DCC: variants seen among roughly 807,000 people sequenced by gnomAD.
DCC encodes the protein DCC netrin 1 receptor.
A neutral mutation model predicts 172.5 loss-of-function variants in DCC; 58 were observed. That is an observed-to-expected ratio of 0.34 (90% CI 0.27 to 0.42). The LOEUF (loss-of-function observed/expected upper bound fraction) is 0.42, where lower values mean the gene tolerates loss of function less well. Ranked by LOEUF, DCC falls within the 10% of genes least tolerant of loss-of-function variation. The probability of loss-of-function intolerance (pLI) is 1.00; values close to 1 mark genes in which losing one functional copy is unlikely to be tolerated. For missense variants in DCC, 1,740 were observed against 1,791.0 expected, an observed-to-expected ratio of 0.97 and a Z score of 0.51; for synonymous variants, 709 against 644.5, an observed-to-expected ratio of 1.10 and a Z score of -1.52.
chr18:53,289,749 T>C (rs1194154734), intron 12 of DCC, among the ~76,000 whole-genome samples: 1 of 152,194 alleles, frequency 6.6e-6, no homozygotes, highest in African/African-American at 2.4e-5. Flanking sequence ...GATCTCTTGA[T>C]TGTGCATCTG....
chr18:52,815,466 T>C (rs962138209), intron 2 of DCC, among the ~76,000 whole-genome samples: 1 of 142,754 alleles, frequency 7.0e-6, no homozygotes, highest in Non-Finnish European at 1.5e-5. Flanking sequence ...ACCACCCCCC[T>C]GCCCCCCTGT....
chr18:53,388,916 C>T (rs1372513239), intron 16 of DCC, among the ~76,000 whole-genome samples: 1 of 152,120 alleles, frequency 6.6e-6, no homozygotes. Flanking sequence ...TCCTGGGTAG[C>T]TGGGACTGCA....
intron 1 of DCC, among the ~76,000 whole-genome samples, chr18:52,358,212 A>G (rs937942907): frequency 1.3e-5 from 2 of 152,194 alleles, no homozygotes; most frequent in Admixed American, 6.5e-5. Flanking sequence ...GTGAAACAGC[A>G]CTTTTAACAA....
chr18:53,378,923 A>C (rs1292649534), intron 15 of DCC, among the ~76,000 whole-genome samples: 3 of 152,230 alleles, frequency 2.0e-5, no homozygotes, highest in Non-Finnish European at 4.4e-5. Flanking sequence ...CCATTAGATT[A>C]GCTATTAATT....
intron 7 of DCC, among the ~76,000 whole-genome samples, chr18:53,121,501 T>A (rs2043483262): frequency 6.6e-6 from 1 of 151,910 alleles, no homozygotes; most frequent in African/African-American, 2.4e-5. Context: ...TTACGTAAAC[T>A]TCCAATCATA....
chr18:52,902,137 T>C (rs111485451), intron 2 of DCC, among the ~76,000 whole-genome samples: 1,769 of 152,310 alleles, frequency 0.012, 16 homozygotes, highest in Middle Eastern at 0.02. Flanking sequence ...ACAAGTTCAA[T>C]AGATCTGAGA....
At chr18:52,672,205 G>T (rs2035566835) in intron 1 of DCC, among the ~76,000 whole-genome samples, 1 of 152,176 alleles carries the variant, frequency 6.6e-6, no homozygotes, top group Non-Finnish European at 1.5e-5. Context: ...TCTGTGATTT[G>T]TTAGAATTGA....
chr18:52,421,578 G>A (rs1166027305), intron 1 of DCC, among the ~76,000 whole-genome samples: 2 of 152,128 alleles, frequency 1.3e-5, no homozygotes, highest in African/African-American at 4.8e-5. Flanking sequence ...AGCACAAAAC[G>A]CCACATCTGC....
chr18:53,121,316 G>A (rs1287482800), intron 7 of DCC, among the ~76,000 whole-genome samples: 1 of 151,900 alleles, frequency 6.6e-6, no homozygotes, highest in Non-Finnish European at 1.5e-5. Context: ...TCTGTAAACT[G>A]TGAAATACTG....
At chr18:53,385,238 T>C (rs958849227) in intron 15 of DCC, among the ~76,000 whole-genome samples, 4 of 152,108 alleles carry the variant, frequency 2.6e-5, no homozygotes, top group Admixed American at 2.0e-4. Flanking sequence ...CTGGAGCAGG[T>C]CTTGTTCTTG....
chr18:53,151,461 T>C (rs969432877), intron 7 of DCC, among the ~76,000 whole-genome samples: 1 of 152,190 alleles, frequency 6.6e-6, no homozygotes, highest in Admixed American at 6.5e-5. Context: ...AGTAGGAACA[T>C]GATAGATATT....
intron 12 of DCC, among the ~76,000 whole-genome samples, chr18:53,250,378 C>G (rs965677018): frequency 1.7e-5 from 2 of 117,588 alleles, no homozygotes; most frequent in African/African-American, 6.3e-5. Flanking sequence ...TGACTGCACC[C>G]TGAATTGTGC....
At chr18:53,015,622 C>G (rs7240423) in intron 5 of DCC, among the ~76,000 whole-genome samples, 1 of 151,916 alleles carries the variant, frequency 6.6e-6, no homozygotes, top group African/African-American at 2.4e-5. Flanking sequence ...TATATCCTTA[C>G]GTACAAACAT....
chr18:53,130,854 G>GT (rs1488357671), intron 7 of DCC, among the ~76,000 whole-genome samples: 1 of 151,782 alleles, frequency 6.6e-6, no homozygotes, highest in African/African-American at 2.4e-5. Flanking sequence ...GAAATGTATT[G>GT]TTTTTTTCTC....
chr18:53,515,687 C>T (rs1048857060), intron 27 of DCC, among the ~76,000 whole-genome samples: 4 of 150,072 alleles, frequency 2.7e-5, no homozygotes, highest in Non-Finnish European at 3.0e-5. Flanking sequence ...CATGAGTGAA[C>T]TCCCATTCAC....
At chr18:52,580,211 G>A (rs899019599) in intron 1 of DCC, among the ~76,000 whole-genome samples, 3 of 152,152 alleles carry the variant, frequency 2.0e-5, no homozygotes, top group Non-Finnish European at 4.4e-5. Context: ...ATTCAAGGAT[G>A]ACCTTAAGGC....
At chr18:52,377,055 T>A (rs1304240347) in intron 1 of DCC, among the ~76,000 whole-genome samples, 5 of 152,182 alleles carry the variant, frequency 3.3e-5, no homozygotes, top group African/African-American at 1.2e-4. Flanking sequence ...CATAAAACCC[T>A]TTTGAGAAAA....
rs544700145 is a variant in DCC at position 52,641,303 on chromosome 18, G to C, written c.92-110751G>C. 9.9e-5 allele frequency among the ~76,000 whole-genome samples: 15 copies of C among 152,216 alleles called. No individual in the cohort carries two copies. In the South Asian group the frequency reaches 3.1e-3, roughly 32 times the overall value. ...AAAACCCCTTCTAGACATTAGCTTAGGCAAGGATTTCATAACCAAGAACCC... is the reference window on the plus strand; with the variant it reads ...AAAACCCCTTCTAGACATTAGCTTACGCAAGGATTTCATAACCAAGAACCC... On this transcript the variant is annotated intron_variant, in intron 1 of 28. Transcript: ENST00000442544.
intron 12 of DCC, among the ~76,000 whole-genome samples, chr18:53,282,632 C>G (rs2056886339): frequency 1.3e-5 from 2 of 152,078 alleles, no homozygotes; most frequent in African/African-American, 4.8e-5. Flanking sequence ...TTTGTCATTT[C>G]TGTAGGCTAA....
Sources: allele counts gnomAD v4.1 joint callset (sites outside exome capture counted in the v4.1 genomes callset), GRCh38; gene constraint gnomAD v4.1.1; transcripts MANE v1.5; gene names NCBI Gene and HGNC (gene_info 2026-07-23, HGNC 2026-07-21).